Variants in RAB20 observed in about 807,000 individuals in gnomAD.
The protein encoded by RAB20 is RAB20, member RAS oncogene family, also known as ras-related protein Rab-20.
A neutral mutation model predicts 3.7 loss-of-function variants in RAB20; 2 were observed. The observed-to-expected ratio is 0.54, with a 90% CI of 0.22 to 1.69. The LOEUF is 1.69. Among genes scored for constraint, RAB20 ranks in the 40% most tolerant of loss-of-function variants. The pLI is 0.19. For missense variants in RAB20, 276 were observed against 311.9 expected (o/e 0.88, Z 0.87); for synonymous variants, 126 against 130.8 (o/e 0.96, Z 0.25).
intron 1 of RAB20, among the ~76,000 whole-genome samples, chr13:110,547,772 C>T (rs929008541): frequency 1.3e-5 from 2 of 152,196 alleles, no homozygotes; most frequent in East Asian, 1.9e-4. Context: ...GTGGAAGCAT[C>T]GGCTATAATT....
chr13:110,561,542 C>G lies in RAB20; in HGVS notation c.-23G>C, dbSNP rs775811822. On this transcript the variant is annotated 5_prime_UTR_variant, in exon 1 of 2. Transcript: ENST00000267328. Reference sequence around the variant, plus strand: ...CATCTTCCCGTAAGAACCCCCAGCGCCCCCGCGCCCTCTCCCCGAGGCTGG... The same window carrying G: ...CATCTTCCCGTAAGAACCCCCAGCGGCCCCGCGCCCTCTCCCCGAGGCTGG... 6.5e-7 allele frequency: 1 copy of G among 1,535,964 alleles called. No homozygotes were observed. The highest frequency in any genetic ancestry group is 2.0e-5 in the Admixed American group (1 of 50,930).
At chr13:110,540,476 C>T (rs961389880) in intron 1 of RAB20, among the ~76,000 whole-genome samples, 2 of 152,244 alleles carry the variant, frequency 1.3e-5, no homozygotes, top group Non-Finnish European at 2.9e-5. Flanking sequence ...GGCGCAGTGG[C>T]TCATGCCTGT....
intron 1 of RAB20, among the ~76,000 whole-genome samples, chr13:110,547,365 T>C (rs1485394276): frequency 1.3e-5 from 2 of 152,264 alleles, no homozygotes; most frequent in African/African-American, 2.4e-5. Context: ...ACAGGAATCT[T>C]AACACATTGA....
At chr13:110,553,606 G>T (rs1385280341) in intron 1 of RAB20, among the ~76,000 whole-genome samples, 1 of 152,200 alleles carries the variant, frequency 6.6e-6, no homozygotes. Context: ...ATGTGCATGT[G>T]GCTGTGCCAA....
Position 110,523,996 on chromosome 13 carries a change from C to T in RAB20, c.374G>A (p.Gly125Asp). 3.7e-6 allele frequency: 6 copies of T among 1,614,164 alleles called. No homozygotes were observed. Among genetic ancestry groups the T allele is most frequent in the Non-Finnish European group, 5.1e-6 (6 of 1,180,020 alleles). Reference sequence around the variant, plus strand: ...GGGACTGCACTCTTCCTTCTCCTGGCCCGCCAAGGCCCCCTCCTCAGTGAG... The same window carrying T: ...GGGACTGCACTCTTCCTTCTCCTGGTCCGCCAAGGCCCCCTCCTCAGTGAG... ...VDLTEEGALAGQEKEECSPNM... is the reference protein window; with the variant it reads ...VDLTEEGALADQEKEECSPNM... Residue 125 changes from glycine (G) to aspartate (D), a missense_variant, in exon 2 of 2, where the codon GGC (glycine) becomes GAC (aspartate). By Grantham distance (94) the Gly-to-Asp change is moderately conservative (BLOSUM62 -1). Coordinates refer to ENST00000267328, the MANE Select transcript of RAB20 (RefSeq NM_017817.3).
intron 1 of RAB20, among the ~76,000 whole-genome samples, chr13:110,525,869 C>A (rs1279045855): frequency 6.6e-6 from 1 of 152,242 alleles, no homozygotes; most frequent in African/African-American, 2.4e-5. Flanking sequence ...GCAGGCTGTG[C>A]ATGGCATGGG....
intron 1 of RAB20, among the ~76,000 whole-genome samples, chr13:110,529,233 C>T (rs1884486614): frequency 6.6e-6 from 1 of 152,238 alleles, no homozygotes; most frequent in South Asian, 2.1e-4. Flanking sequence ...TCCAAGGACC[C>T]TCACGCGTTT....
intron 1 of RAB20, among the ~76,000 whole-genome samples, chr13:110,551,909 C>G: frequency 1.1e-5 from 1 of 90,514 alleles, no homozygotes. Context: ...ACTGAGACCC[C>G]TGTCTCTACA....
intron 1 of RAB20, among the ~76,000 whole-genome samples, chr13:110,556,298 G>A (rs1885037837): frequency 6.6e-6 from 1 of 152,222 alleles, no homozygotes; most frequent in Non-Finnish European, 1.5e-5. Flanking sequence ...CAGAGGGGCT[G>A]GTTCAGAGGG....
At chr13:110,559,541 G>A (rs1885097804) in intron 1 of RAB20, among the ~76,000 whole-genome samples, 1 of 152,318 alleles carries the variant, frequency 6.6e-6, no homozygotes, top group East Asian at 1.9e-4. Context: ...TCTGGGCAAG[G>A]GCCGCCTGAG....
chr13:110,554,281 G>C (rs539593126), intron 1 of RAB20, among the ~76,000 whole-genome samples: 1 of 152,350 alleles, frequency 6.6e-6, no homozygotes, highest in Admixed American at 6.5e-5. Flanking sequence ...CCCTGCCAAA[G>C]AGAGCTGCTC....
intron 1 of RAB20, among the ~76,000 whole-genome samples, chr13:110,525,066 G>A (rs1397797064): frequency 8.4e-4 from 54 of 64,366 alleles, no homozygotes; most frequent in Non-Finnish European, 8.3e-5. Context: ...TGGGTCTGGC[G>A]GGGAACAGGG....
At position 110,561,401 on chromosome 13, in the gene RAB20, G is replaced by A. The variant is rs1446784703; in HGVS notation, c.119C>T (p.Ala40Val). 1.1e-5 allele frequency: 18 copies of A among 1,609,934 alleles called. No individual in the cohort carries two copies. Among genetic ancestry groups the A allele is most frequent in the Non-Finnish European group, 1.5e-5 (18 of 1,178,196 alleles). ...GGAGCGCCACTGCTTCAGGTAGAAGGCGCCGCCCACCGTGCTGACCGTGTC... is the reference window on the plus strand; with the variant it reads ...GGAGCGCCACTGCTTCAGGTAGAAGACGCCGCCCACCGTGCTGACCGTGTC... ...FPDTVSTVGG[A>V]FYLKQWRSYN... is the part of the protein sequence containing the mutation. Residue 40 changes from alanine to valine, a missense_variant, in exon 1 of 2, where the codon GCC (alanine) becomes GTC (valine). Transcript: ENST00000267328.
chr13:110,538,253 AAAAG>A (rs1390092973), intron 1 of RAB20, among the ~76,000 whole-genome samples: 44 of 150,074 alleles, frequency 2.9e-4, no homozygotes, highest in African/African-American at 7.8e-4. Context: ...AAAAAAAAAA[AAAAG>A]AAAGAAAGAA....
intron 1 of RAB20, among the ~76,000 whole-genome samples, chr13:110,559,337 T>C (rs1388179699): frequency 1.3e-5 from 2 of 151,176 alleles, no homozygotes; most frequent in African/African-American, 2.4e-5. Flanking sequence ...TGAAAAGCAA[T>C]GTCTGTGGGG....
At chr13:110,553,511 C>T (rs1265915694) in intron 1 of RAB20, among the ~76,000 whole-genome samples, 4 of 152,224 alleles carry the variant, frequency 2.6e-5, no homozygotes, top group East Asian at 1.9e-4. Flanking sequence ...GTTTGGCTTT[C>T]GGTGCTGTCT....
At chr13:110,560,772 A>G (rs1264982954) in intron 1 of RAB20, among the ~76,000 whole-genome samples, 1 of 118,952 alleles carries the variant, frequency 8.4e-6, no homozygotes, top group East Asian at 2.1e-4. Flanking sequence ...AAGTCACTCC[A>G]ACCCAAACCC....
At position 110,555,921 on chromosome 13, in the gene RAB20, C is replaced by T. The variant is rs1594140181; in HGVS notation, c.172+5427G>A. Among the ~76,000 whole-genome samples the T allele has an allele frequency of 6.6e-6, 1 of 152,184 alleles. No homozygotes were observed. The highest frequency in any genetic ancestry group is 1.5e-5 in the Non-Finnish European group (1 of 68,040). ...GCCTCCCTCCTCCCTTTGTAACATG[C>T]CTGCTGGTGTAACCTCAGTGACAGG... On this transcript the variant is annotated intron_variant, in intron 1 of 1. Coordinates refer to ENST00000267328, the MANE Select transcript of RAB20 (RefSeq NM_017817.3). This position sits in a 1 kb window ranked among gnomAD's most constrained non-coding sequence, Gnocchi z 4.0.
chr13:110,530,753 T>C (rs1884523867), intron 1 of RAB20, among the ~76,000 whole-genome samples: 1 of 142,554 alleles, frequency 7.0e-6, no homozygotes, highest in Non-Finnish European at 1.5e-5. Flanking sequence ...CCGCTCCACC[T>C]CTACACAGAC....
Sources: gnomAD v4.1 joint callset for allele counts (sites outside exome capture counted in the v4.1 genomes callset) on GRCh38, gnomAD v4.1.1 for gene constraint, Gnocchi (gnomAD v3.1) non-coding constraint, MANE v1.5 for transcripts, NCBI Gene and HGNC (gene_info 2026-07-23, HGNC 2026-07-21) for gene names.